Variants in NKAIN2 observed in about 807,000 individuals in gnomAD.
NKAIN2 encodes the protein sodium/potassium-transporting ATPase subunit beta-1-interacting protein 2.
In NKAIN2, 14 loss-of-function variants were observed where a neutral mutation model predicts 32.6. The observed-to-expected ratio is 0.43, with a 90% CI of 0.28 to 0.67. The LOEUF (loss-of-function observed/expected upper bound fraction) is 0.67. Ranked by LOEUF, NKAIN2 falls within the 30% of genes least tolerant of loss-of-function variation. NKAIN2 has a pLI of 0.17. For missense variants in NKAIN2, 198 were observed against 258.3 expected (o/e 0.77, Z 1.60); for synonymous variants, 80 against 87.2 (o/e 0.92, Z 0.46).
intron 3 of NKAIN2, among the ~76,000 whole-genome samples, chr6:124,452,496 T>C (rs2114625127): frequency 6.6e-6 from 1 of 152,270 alleles, no homozygotes; most frequent in African/African-American, 2.4e-5. Context: ...AATTTATAAA[T>C]GAATGCTTAA....
intron 3 of NKAIN2, among the ~76,000 whole-genome samples, chr6:124,536,887 A>C (rs1406046096): frequency 6.6e-6 from 1 of 152,244 alleles, no homozygotes; most frequent in Non-Finnish European, 1.5e-5. Context: ...ACTCACAGCA[A>C]AAGTCCACAC....
At chr6:124,678,688 C>A (rs570070809) in intron 4 of NKAIN2, among the ~76,000 whole-genome samples, 27 of 152,216 alleles carry the variant, frequency 1.8e-4, no homozygotes, top group African/African-American at 6.0e-4. Context: ...TATATACCAC[C>A]ATAGTTTGGA....
intron 1 of NKAIN2, among the ~76,000 whole-genome samples, chr6:124,089,152 A>G (rs1784317038): frequency 6.6e-6 from 1 of 151,992 alleles, no homozygotes; most frequent in Non-Finnish European, 1.5e-5. Context: ...TACAGAGTAT[A>G]TTCCGTATAT....
chr6:124,279,750 G>C lies in NKAIN2; in HGVS notation c.55-3255G>C, dbSNP rs550880405. ...GCCATCCCAAGTAGGGATTTTACTA[G>C]ATATAAAAGGATAATGACAAAAGGA... is the stretch of plus-strand genomic sequence containing the variant. On this transcript the variant is annotated intron_variant, in intron 1 of 6. Coordinates refer to ENST00000368417, the MANE Select transcript of NKAIN2 (RefSeq NM_001040214.3). Among the ~76,000 whole-genome samples the C allele has an allele frequency of 3.9e-5, 6 of 151,904 alleles. No individual in the cohort carries two copies. The East Asian group carries it at 1.2e-3, about 29-fold the overall frequency.
chr6:124,100,998 C>T (rs1054629156), intron 1 of NKAIN2, among the ~76,000 whole-genome samples: 16 of 152,142 alleles, frequency 1.1e-4, no homozygotes, highest in African/African-American at 3.9e-4. Flanking sequence ...TAGAATTGCT[C>T]AAATTTTATA....
intron 1 of NKAIN2, among the ~76,000 whole-genome samples, chr6:124,035,892 G>A (rs936784872): frequency 8.5e-5 from 13 of 152,076 alleles, no homozygotes; most frequent in African/African-American, 2.7e-4. Context: ...GAAAGGGCAG[G>A]TCAAGTGTCC....
intron 1 of NKAIN2, among the ~76,000 whole-genome samples, chr6:124,004,619 C>T (rs532049229): frequency 6.6e-6 from 1 of 151,858 alleles, no homozygotes; most frequent in South Asian, 2.1e-4. Context: ...AGACAGAAAA[C>T]CAAACACTGC....
intron 1 of NKAIN2, among the ~76,000 whole-genome samples, chr6:124,025,149 G>A (rs73770305): frequency 0.014 from 2,143 of 152,160 alleles, 47 homozygotes; most frequent in African/African-American, 0.049. Flanking sequence ...GCTTAGATTG[G>A]CTAATCCAAG....
intron 4 of NKAIN2, among the ~76,000 whole-genome samples, chr6:124,769,824 A>G (rs756000023): frequency 4.6e-5 from 7 of 152,158 alleles, no homozygotes; most frequent in Admixed American, 1.3e-4. Flanking sequence ...TAAACCTAAC[A>G]TGAAGATTCA....
At chr6:124,814,220 G>T (rs1185207535) in intron 5 of NKAIN2, among the ~76,000 whole-genome samples, 1 of 152,146 alleles carries the variant, frequency 6.6e-6, no homozygotes, top group East Asian at 1.9e-4. Context: ...TCCAGTTGAT[G>T]CCTATTCTTC....
At chr6:124,724,266 A>AGC (rs1776167848) in intron 4 of NKAIN2, among the ~76,000 whole-genome samples, 1 of 152,138 alleles carries the variant, frequency 6.6e-6, no homozygotes, top group African/African-American at 2.4e-5. Flanking sequence ...GACAAACCAG[A>AGC]GCACAGCACA....
chr6:124,394,042 A>G (rs144578012), intron 3 of NKAIN2, among the ~76,000 whole-genome samples: 549 of 152,282 alleles, frequency 3.6e-3, no homozygotes, highest in African/African-American at 0.011. Context: ...TCAGGCCCTA[A>G]GCACCTAAGA....
intron 1 of NKAIN2, among the ~76,000 whole-genome samples, chr6:124,034,753 C>G (rs771771704): frequency 1.3e-5 from 2 of 151,960 alleles, no homozygotes; most frequent in Non-Finnish European, 2.9e-5. Flanking sequence ...TAAAAGTGCC[C>G]CATTTTTTTC....
At chr6:124,043,700 G>A (rs567427346) in intron 1 of NKAIN2, among the ~76,000 whole-genome samples, 56 of 152,176 alleles carry the variant, frequency 3.7e-4, no homozygotes, top group Non-Finnish European at 7.4e-4. Context: ...TAAAGATTAT[G>A]GAGTTTGAAG....
At chr6:124,568,684 A>G (rs144320336) in intron 3 of NKAIN2, among the ~76,000 whole-genome samples, 38 of 152,198 alleles carry the variant, frequency 2.5e-4, no homozygotes, top group African/African-American at 8.4e-4. Flanking sequence ...ATAGCTCATT[A>G]CAAATGTAGG....
At chr6:123,813,958 G>A (rs1390664820) in intron 1 of NKAIN2, among the ~76,000 whole-genome samples, 2 of 151,500 alleles carry the variant, frequency 1.3e-5, no homozygotes, top group Non-Finnish European at 2.9e-5. Flanking sequence ...TTGGAGCAAT[G>A]TATAGGATTA....
At chr6:124,724,836 C>T (rs1776194399) in intron 4 of NKAIN2, among the ~76,000 whole-genome samples, 1 of 152,182 alleles carries the variant, frequency 6.6e-6, no homozygotes, top group East Asian at 1.9e-4. Context: ...AAATATTTCC[C>T]TTTGGCCCAT....
chr6:124,758,648 C>T (rs1182519438), intron 4 of NKAIN2, among the ~76,000 whole-genome samples: 2 of 152,284 alleles, frequency 1.3e-5, no homozygotes, highest in East Asian at 3.9e-4. Flanking sequence ...ATTAATCTCT[C>T]TGTCTCCTAC....
intron 3 of NKAIN2, among the ~76,000 whole-genome samples, chr6:124,552,270 A>C (rs1370749469): frequency 6.6e-6 from 1 of 152,194 alleles, no homozygotes. Flanking sequence ...TCTCAACTAA[A>C]TTCAAAGCCT....
Sources: gnomAD v4.1 joint callset for allele counts (sites outside exome capture counted in the v4.1 genomes callset) on GRCh38, gnomAD v4.1.1 for gene constraint, MANE v1.5 for transcripts, NCBI Gene and HGNC (gene_info 2026-07-23, HGNC 2026-07-21) for gene names.